The following GNA14 variants were observed in gnomAD, a reference collection of about 807,000 sequenced individuals.
GNA14 encodes G protein subunit alpha 14.
In GNA14, 50 loss-of-function variants were observed where a neutral mutation model predicts 42.0. That is an observed-to-expected ratio of 1.19 (90% confidence interval 0.95 to 1.51). The LOEUF is 1.51. Among genes scored for constraint, GNA14 ranks in the 40% most tolerant of loss-of-function variants. The pLI is 0.00. For missense variants in GNA14, 473 were observed against 446.2 expected (o/e 1.06, Z -0.54); for synonymous variants, 173 against 163.1 (o/e 1.06, Z -0.46).
chr9:77,469,513 C>G lies in GNA14; in HGVS notation c.310-34991G>C, dbSNP rs556417154. Among the ~76,000 whole-genome samples, 5 of 147,134 alleles carry G rather than the reference C, an allele frequency of 3.4e-5. No homozygotes were observed. The South Asian group carries it at 1.1e-3, about 32-fold the overall frequency. ...AGCACATATCAAAGTTTTATACTCTCTGCAAGAAAAGACTGACAACCAAAA... is the reference window on the plus strand; with the variant it reads ...AGCACATATCAAAGTTTTATACTCTGTGCAAGAAAAGACTGACAACCAAAA... On this transcript the variant is annotated intron_variant, in intron 2 of 6. Coordinates refer to ENST00000341700, the MANE Select transcript of GNA14 (RefSeq NM_004297.4).
In GNA14 at chr9:77,446,665, T is replaced by A. The variant is rs11145428; in HGVS notation, c.310-12143A>T. Among the ~76,000 whole-genome samples the A allele has an allele frequency of 9.0e-3, 1,371 of 152,296 alleles. 11 individuals carry two copies. Among genetic ancestry groups the A allele is most frequent in the Non-Finnish European group, 0.015 (1,047 of 68,036 alleles). ...GGGGAGATGCTCAAGGTGATGGGGA[T>A]CTGGATTTTGAATGACTGTGGAGCA... On this transcript the variant is annotated intron_variant, in intron 2 of 6. Transcript: ENST00000341700.
At position 77,444,243 on chromosome 9, in the gene GNA14, C is replaced by G. The variant is rs577737992; in HGVS notation, c.310-9721G>C. ...AGAAGGACGCATCCACTTTCCGGGT[C>G]TGAAGGTCAGAGGCCTGCTTCTGCT... On this transcript the variant is annotated intron_variant, in intron 2 of 6. Transcript: ENST00000341700. Among the ~76,000 whole-genome samples the G allele has an allele frequency of 1.2e-4, 19 of 152,362 alleles. 1 individual carries two copies. The South Asian group carries it at 2.1e-3, about 17-fold the overall frequency.
At chr9:77,514,692 C>T (rs1837222482) in intron 2 of GNA14, among the ~76,000 whole-genome samples, 1 of 150,324 alleles carries the variant, frequency 6.7e-6, no homozygotes, top group Non-Finnish European at 1.5e-5. Flanking sequence ...CGGCTCACTG[C>T]AAGCTCCGCC....
chr9:77,633,162 GC>G (rs1824125881), intron 1 of GNA14, among the ~76,000 whole-genome samples: 1 of 152,298 alleles, frequency 6.6e-6, no homozygotes, highest in East Asian at 1.9e-4. Flanking sequence ...ACTAGGAAAA[GC>G]ACTATTTTTA....
At chr9:77,622,290 C>T (rs1823938789) in intron 1 of GNA14, among the ~76,000 whole-genome samples, 1 of 152,114 alleles carries the variant, frequency 6.6e-6, no homozygotes, top group Admixed American at 6.5e-5. Context: ...CCTCTTGAAA[C>T]TGAGATCTAA....
chr9:77,468,667 C>T (rs1836277500), intron 2 of GNA14, among the ~76,000 whole-genome samples: 1 of 152,154 alleles, frequency 6.6e-6, no homozygotes, highest in South Asian at 2.1e-4. Flanking sequence ...CTGTCACTTC[C>T]AAGCAGCATC....
intron 1 of GNA14, among the ~76,000 whole-genome samples, chr9:77,632,525 G>A (rs1242703907): frequency 6.6e-6 from 1 of 152,160 alleles, no homozygotes; most frequent in South Asian, 2.1e-4. Context: ...CCCCTTGCTT[G>A]CCACATTGTG....
chr9:77,436,792 T>C (rs62571496), intron 2 of GNA14, among the ~76,000 whole-genome samples: 2 of 152,166 alleles, frequency 1.3e-5, no homozygotes, highest in African/African-American at 2.4e-5. Context: ...GTGCCTTCTA[T>C]TGCAAATAAT....
intron 2 of GNA14, chr9:77,526,515 G>A (rs1278184705): frequency 1.3e-5 from 2 of 152,204 alleles, no homozygotes; most frequent in Non-Finnish European, 2.9e-5. Flanking sequence ...GGGAAATTTG[G>A]ACACAGAACC....
chr9:77,502,690 A>G (rs1836995762), intron 2 of GNA14, among the ~76,000 whole-genome samples: 1 of 152,068 alleles, frequency 6.6e-6, no homozygotes, highest in African/African-American at 2.4e-5. Context: ...ATCTCTTGGT[A>G]CCTCTTCGTG....
chr9:77,535,887 GTT>G (rs1564047048), intron 1 of GNA14, among the ~76,000 whole-genome samples: 11 of 13,906 alleles, frequency 7.9e-4, no homozygotes, highest in East Asian at 6.7e-3. Context: ...CAGTTTAGTT[GTT>G]TTGTTTTTTT....
At chr9:77,518,642 C>G (rs1463107587) in intron 2 of GNA14, among the ~76,000 whole-genome samples, 1 of 152,204 alleles carries the variant, frequency 6.6e-6, no homozygotes, top group Non-Finnish European at 1.5e-5. Context: ...AACCTTTTTA[C>G]AATCAACCAC....
intron 2 of GNA14, among the ~76,000 whole-genome samples, chr9:77,496,402 A>G (rs1175118715): frequency 1.3e-5 from 2 of 152,170 alleles, no homozygotes; most frequent in Non-Finnish European, 2.9e-5. Context: ...TTTGCCCTAC[A>G]ATGCCCTGTT....
At chr9:77,506,435 T>C (rs939441840) in intron 2 of GNA14, among the ~76,000 whole-genome samples, 1 of 152,156 alleles carries the variant, frequency 6.6e-6, no homozygotes, top group African/African-American at 2.4e-5. Flanking sequence ...TCCCAGCACT[T>C]TGGGAGACCG....
chr9:77,505,631 G>A (rs12336943), intron 2 of GNA14, among the ~76,000 whole-genome samples: 7,529 of 152,244 alleles, frequency 0.049, 426 homozygotes, highest in African/African-American at 0.14. Context: ...ATTTTGAGTC[G>A]CATGCTGTTT....
intron 1 of GNA14, among the ~76,000 whole-genome samples, chr9:77,635,584 A>T (rs891977333): frequency 6.6e-6 from 1 of 152,194 alleles, no homozygotes; most frequent in Non-Finnish European, 1.5e-5. Flanking sequence ...GAGAAAAGTA[A>T]ATTACCTATA....
chr9:77,427,086 A>G (rs1376273422), intron 5 of GNA14, among the ~76,000 whole-genome samples: 1 of 152,226 alleles, frequency 6.6e-6, no homozygotes, highest in Non-Finnish European at 1.5e-5. Flanking sequence ...TACAGAGTGG[A>G]TATAATACAT....
chr9:77,632,207 G>A (rs1229403364), intron 1 of GNA14, among the ~76,000 whole-genome samples: 2 of 152,204 alleles, frequency 1.3e-5, no homozygotes, highest in African/African-American at 4.8e-5. Flanking sequence ...GCCATGGGAA[G>A]CCAAGGGGGG....
At chr9:77,520,871 G>C (rs995184039) in intron 2 of GNA14, among the ~76,000 whole-genome samples, 2 of 152,156 alleles carry the variant, frequency 1.3e-5, no homozygotes, top group African/African-American at 4.8e-5. Flanking sequence ...TCAGTTCTGA[G>C]GTAGGGGAAG....
Sources: allele counts gnomAD v4.1 joint callset (sites outside exome capture counted in the v4.1 genomes callset), GRCh38; gene constraint gnomAD v4.1.1; transcripts MANE v1.5; gene names NCBI Gene and HGNC (gene_info 2026-07-23, HGNC 2026-07-21).